Variants in DNAH7 observed in about 807,000 individuals in gnomAD.
The protein encoded by DNAH7 is axonemal beta dynein heavy chain 7.
A neutral mutation model predicts 444.6 loss-of-function variants in DNAH7; 397 were observed. The observed-to-expected ratio is 0.89, with a 90% CI of 0.82 to 0.97. The LOEUF is 0.97. DNAH7 is among the 50% of genes least tolerant of loss of function. DNAH7 has a pLI of 0.00. For synonymous variants in DNAH7, 1,636 were observed against 1,624.4 expected (o/e 1.01, Z -0.17); for missense variants, 4,902 against 4,800.8 (o/e 1.02, Z -0.62).
intron 63 of DNAH7, among the ~76,000 whole-genome samples, chr2:195,750,135 A>G (rs1405938720): frequency 6.6e-6 from 1 of 152,190 alleles, no homozygotes; most frequent in African/African-American, 2.4e-5. Flanking sequence ...GGATCCTTTA[A>G]TAAGTTGTGC....
At chr2:195,903,266 T>C (rs1254844841) in intron 27 of DNAH7, 2 of 152,180 alleles carry the variant, frequency 1.3e-5, no homozygotes, top group Non-Finnish European at 2.9e-5. Context: ...CAATAACTTT[T>C]TACCATTTAC....
chr2:195,874,691 G>A (rs1700925690), intron 38 of DNAH7, among the ~76,000 whole-genome samples: 1 of 152,018 alleles, frequency 6.6e-6, no homozygotes, highest in Admixed American at 6.6e-5. Flanking sequence ...GCATGGTGAT[G>A]CATGCCTGTA....
rs532995427 is a variant in DNAH7, at chr2:195,789,130, G to A, written c.10717-1959C>T. On this transcript the variant is annotated intron_variant, in intron 57 of 64. Transcript: ENST00000312428. The stretch of plus-strand genomic sequence containing the variant: ...AGCCTGGAACATCTTATGCCAGAAA[G>A]TAAGAGGTACTACTGCTACTAATCA... Among the ~76,000 whole-genome samples the A allele has an allele frequency of 8.4e-4, 128 of 152,196 alleles. 1 individual carries two copies. Among genetic ancestry groups the A allele is most frequent in the Non-Finnish European group, 4.4e-4 (30 of 68,008 alleles).
intron 40 of DNAH7, among the ~76,000 whole-genome samples, chr2:195,871,711 C>CTATAAATCA (rs1445864307): frequency 2.3e-5 from 3 of 130,412 alleles, no homozygotes; most frequent in Non-Finnish European, 3.1e-5. Context: ...GAAGGCGGAT[C>CTATAAATCA]ACGAGGTCAG....
rs1312645997 is a variant in DNAH7 at position 195,900,441 on chromosome 2, T to C, written c.4389A>G (p.Glu1463=). The C allele has an allele frequency of 6.2e-7, 1 of 1,613,998 alleles. No individual in the cohort carries two copies. The highest frequency in any genetic ancestry group is 8.5e-7 in the Non-Finnish European group (1 of 1,179,908). Residue 1463 remains glutamate (E), a synonymous_variant, in exon 28 of 65, where the codon GAA becomes GAG. Transcript: ENST00000312428. ...CAAACCCACAGGAGTATAGGACTAT[T>C]TCAGCAATCATGGCATAGTCAGGTA... ...MMVPDYAMIA[E]IVLYSCGFVT... is the part of the protein sequence containing the mutation.
intron 51 of DNAH7, among the ~76,000 whole-genome samples, chr2:195,812,713 A>G (rs1234513986): frequency 6.6e-6 from 1 of 152,158 alleles, no homozygotes; most frequent in African/African-American, 2.4e-5. Flanking sequence ...ATGAGAAATA[A>G]TTTTAGACCA....
intron 1 of DNAH7, among the ~76,000 whole-genome samples, chr2:196,066,737 AAT>A (rs1403560524): frequency 6.6e-5 from 10 of 152,232 alleles, no homozygotes; most frequent in African/African-American, 2.4e-5. Flanking sequence ...TAATGAGATG[AAT>A]ATGTTAAAAT....
chr2:195,806,715 A>G (rs1696731529), intron 54 of DNAH7, 25 bp downstream of exon 54: 1 of 1,588,694 alleles, frequency 6.3e-7, no homozygotes, highest in African/African-American at 1.3e-5. Flanking sequence ...GGAATCATTG[A>G]GCTGTTTTCA....
intron 63 of DNAH7, among the ~76,000 whole-genome samples, chr2:195,748,820 T>G (rs1212024831): frequency 6.6e-6 from 1 of 152,178 alleles, no homozygotes; most frequent in Non-Finnish European, 1.5e-5. Flanking sequence ...CCTTACACCT[T>G]ATACAAAAAT....
intron 31 of DNAH7, among the ~76,000 whole-genome samples, chr2:195,889,868 T>TA (rs1701915923): frequency 6.6e-6 from 1 of 152,192 alleles, no homozygotes; most frequent in South Asian, 2.1e-4. Flanking sequence ...TATAGAAAAT[T>TA]ACAACCAATA....
At chr2:196,035,803 C>A (rs1222235002) in intron 5 of DNAH7, among the ~76,000 whole-genome samples, 1 of 133,376 alleles carries the variant, frequency 7.5e-6, no homozygotes, top group Non-Finnish European at 1.7e-5. Flanking sequence ...CCCAAGAAAC[C>A]TGCAGTCCTA....
chr2:195,995,312 T>C (rs897604133), intron 12 of DNAH7: 34 of 497,036 alleles, frequency 6.8e-5, no homozygotes, highest in Middle Eastern at 6.6e-4. Flanking sequence ...GCAGTTTTTC[T>C]GCCTTGTTCA....
At chr2:195,753,697 T>TA (rs71408696) in intron 63 of DNAH7, among the ~76,000 whole-genome samples, 1 of 152,238 alleles carries the variant, frequency 6.6e-6, no homozygotes, top group Non-Finnish European at 1.5e-5. Context: ...AACTCTTATT[T>TA]AAAATCGTGG....
At chr2:195,825,084 C>T (rs1448066153) in intron 48 of DNAH7, 1 of 152,194 alleles carries the variant, frequency 6.6e-6, no homozygotes. Flanking sequence ...CAAGACCAGC[C>T]TAGGCAACAT....
intron 19 of DNAH7, among the ~76,000 whole-genome samples, chr2:195,947,170 T>A (rs1383085940): frequency 6.7e-6 from 1 of 149,142 alleles, no homozygotes; most frequent in African/African-American, 2.4e-5. Flanking sequence ...ATATATATAG[T>A]ATTTTTAGTA....
chr2:195,922,162 A>G lies in DNAH7; in HGVS notation c.3861T>C (p.Gly1287=). 6.2e-7 allele frequency: 1 copy of G among 1,612,918 alleles called. No individual in the cohort carries two copies. The highest frequency in any genetic ancestry group is 1.1e-5 in the South Asian group (1 of 91,040). ...CCAGATATTCATATCCATATCGCAAACCAGCATTGATCATTTTTGTTTCTA... is the reference window on the plus strand; with the variant it reads ...CCAGATATTCATATCCATATCGCAAGCCAGCATTGATCATTTTTGTTTCTA... ...NHLETKMINA[G]LRYGYEYLGN... is the part of the protein sequence containing the mutation. Residue 1287 remains glycine (G), a synonymous_variant, in exon 24 of 65, where the codon GGT becomes GGC. Coordinates refer to ENST00000312428, the MANE Select transcript of DNAH7 (RefSeq NM_018897.3).
intron 47 of DNAH7, 45 bp from the exon 48 acceptor site, chr2:195,834,405 T>A: frequency 6.4e-7 from 1 of 1,556,176 alleles, no homozygotes; most frequent in Non-Finnish European, 8.8e-7. Flanking sequence ...CATGATTTGT[T>A]TCTACACTAC....
intron 9 of DNAH7, among the ~76,000 whole-genome samples, chr2:196,014,148 A>T (rs1329429611): frequency 6.6e-6 from 1 of 152,204 alleles, no homozygotes; most frequent in East Asian, 1.9e-4. Context: ...AACAGGAAAA[A>T]TACTACCAGA....
intron 24 of DNAH7, among the ~76,000 whole-genome samples, chr2:195,917,017 G>T (rs1299901302): frequency 3.3e-5 from 5 of 151,188 alleles, no homozygotes. Context: ...CAGGAGAATG[G>T]CGTGAACCCA....
Sources: gnomAD v4.1 joint callset for allele counts (sites outside exome capture counted in the v4.1 genomes callset) on GRCh38, gnomAD v4.1.1 for gene constraint, MANE v1.5 for transcripts, NCBI Gene and HGNC (gene_info 2026-07-23, HGNC 2026-07-21) for gene names.